Variants in TMEM117 observed in about 807,000 individuals in gnomAD.
The protein encoded by TMEM117 is transmembrane protein 117.
TMEM117 carries 27 observed loss-of-function variants against 52.4 expected under a neutral mutation model. The observed-to-expected ratio is 0.51, with a 90% CI of 0.38 to 0.71. The LOEUF is 0.71. Ranked by LOEUF, TMEM117 falls within the 30% of genes least tolerant of loss-of-function variation. The pLI is 0.00. For missense variants in TMEM117, 556 were observed against 630.5 expected (o/e 0.88, Z 1.26); for synonymous variants, 215 against 206.3 (o/e 1.04, Z -0.36).
intron 6 of TMEM117, among the ~76,000 whole-genome samples, chr12:44,337,739 T>C (rs1592702887): frequency 6.6e-6 from 1 of 152,176 alleles, no homozygotes; most frequent in East Asian, 1.9e-4. Flanking sequence ...CAATCCATTC[T>C]CAAACACATA....
intron 5 of TMEM117, among the ~76,000 whole-genome samples, chr12:44,234,640 T>C (rs1194018963): frequency 6.6e-6 from 1 of 151,464 alleles, no homozygotes; most frequent in Non-Finnish European, 1.5e-5. Context: ...TTTTTTTTGC[T>C]GTTTCTTTTC....
At chr12:43,885,643 T>G (rs2137462718) in intron 2 of TMEM117, among the ~76,000 whole-genome samples, 1 of 152,222 alleles carries the variant, frequency 6.6e-6, no homozygotes, top group Admixed American at 6.5e-5. Flanking sequence ...AAAGAAGATT[T>G]ATTACTTTTT....
intron 2 of TMEM117, among the ~76,000 whole-genome samples, chr12:43,939,774 A>G (rs1365425765): frequency 6.6e-6 from 1 of 152,116 alleles, no homozygotes; most frequent in African/African-American, 2.4e-5. Flanking sequence ...GTCTGTTCTC[A>G]TTCTGCTAAT....
At chr12:44,107,060 C>T (rs372186979) in intron 3 of TMEM117, among the ~76,000 whole-genome samples, 14 of 151,984 alleles carry the variant, frequency 9.2e-5, no homozygotes, top group East Asian at 1.9e-4. Flanking sequence ...ATTTTAAAAA[C>T]GAACAATACT....
intron 6 of TMEM117, among the ~76,000 whole-genome samples, chr12:44,364,870 A>G (rs1951769196): frequency 6.6e-6 from 1 of 152,108 alleles, no homozygotes; most frequent in African/African-American, 2.4e-5. Context: ...TAACCATCAC[A>G]TAAGTTCCTA....
downstream of TMEM117, among the ~76,000 whole-genome samples, chr12:44,394,181 C>T (rs1364378452): frequency 2.0e-5 from 3 of 152,190 alleles, no homozygotes; most frequent in Non-Finnish European, 2.9e-5. Flanking sequence ...GGTATCAAGA[C>T]TGGCCATGAA....
At chr12:44,253,234 A>G (rs1950216814) in intron 5 of TMEM117, among the ~76,000 whole-genome samples, 1 of 152,208 alleles carries the variant, frequency 6.6e-6, no homozygotes, top group Non-Finnish European at 1.5e-5. Flanking sequence ...TGTTAGATTT[A>G]TTTTTTAAAT....
chr12:43,971,408 T>A (rs2137692134), intron 3 of TMEM117, among the ~76,000 whole-genome samples: 1 of 152,350 alleles, frequency 6.6e-6, no homozygotes, highest in Middle Eastern at 3.4e-3. Flanking sequence ...ATCTCATTAT[T>A]CTGCTCTTTT....
chr12:44,060,545 C>G (rs1393384570), intron 3 of TMEM117, among the ~76,000 whole-genome samples: 3 of 152,138 alleles, frequency 2.0e-5, no homozygotes, highest in African/African-American at 4.8e-5. Context: ...AGCTCAGGAG[C>G]CTGTGGTCTT....
At chr12:44,366,178 A>G (rs1020018097) in intron 6 of TMEM117, among the ~76,000 whole-genome samples, 11 of 152,056 alleles carry the variant, frequency 7.2e-5, no homozygotes, top group Non-Finnish European at 1.6e-4. Flanking sequence ...TAGACGTCAC[A>G]TTCACTCTAT....
intron 6 of TMEM117, among the ~76,000 whole-genome samples, chr12:44,350,725 T>C (rs188606433): frequency 1.5e-4 from 23 of 152,102 alleles, no homozygotes; most frequent in Admixed American, 1.4e-3. Flanking sequence ...AAGAGTACTC[T>C]ATTGTGTATA....
At chr12:44,382,569 T>G (rs955886071) in intron 7 of TMEM117, among the ~76,000 whole-genome samples, 3 of 152,164 alleles carry the variant, frequency 2.0e-5, no homozygotes, top group African/African-American at 7.2e-5. Flanking sequence ...ACGACACAGT[T>G]CCCAATCTCA....
chr12:43,811,209 G>C, the TMEM117 span, among the ~76,000 whole-genome samples: 2 of 152,186 alleles, frequency 1.3e-5, no homozygotes, highest in Non-Finnish European at 2.9e-5. Flanking sequence ...ATTGTTGGGT[G>C]AGTCTTCTTG....
At chr12:43,961,884 C>T (rs1056520692) in intron 3 of TMEM117, among the ~76,000 whole-genome samples, 9 of 152,094 alleles carry the variant, frequency 5.9e-5, no homozygotes, top group Non-Finnish European at 8.8e-5. Flanking sequence ...GGTTTCAAGG[C>T]TTACCAAAAG....
intron 2 of TMEM117, among the ~76,000 whole-genome samples, chr12:43,925,115 A>G (rs1014823389): frequency 2.6e-5 from 4 of 152,098 alleles, no homozygotes; most frequent in Non-Finnish European, 5.9e-5. Context: ...GCAACTCGAG[A>G]GAGGGACCAC....
At chr12:43,986,117 G>A (rs1373210405) in intron 3 of TMEM117, among the ~76,000 whole-genome samples, 1 of 152,088 alleles carries the variant, frequency 6.6e-6, no homozygotes, top group Non-Finnish European at 1.5e-5. Context: ...TTAAAGTGAA[G>A]AAAATGACTA....
At chr12:44,100,533 A>T (rs1474947122) in intron 3 of TMEM117, among the ~76,000 whole-genome samples, 1 of 151,996 alleles carries the variant, frequency 6.6e-6, no homozygotes, top group Non-Finnish European at 1.5e-5. Context: ...TTGCCAAGTG[A>T]TGGTGTGTTT....
At chr12:44,142,743 A>G (rs1025607512) in intron 3 of TMEM117, among the ~76,000 whole-genome samples, 3 of 152,144 alleles carry the variant, frequency 2.0e-5, no homozygotes, top group Non-Finnish European at 4.4e-5. Flanking sequence ...CCTAGCTACC[A>G]TTTGTTAGTT....
intron 3 of TMEM117, among the ~76,000 whole-genome samples, chr12:44,120,853 G>A (rs1265182095): frequency 6.6e-6 from 1 of 152,126 alleles, no homozygotes; most frequent in African/African-American, 2.4e-5. Flanking sequence ...ATCTGTGGAG[G>A]CCACCTGTTC....
Sources: gnomAD v4.1 joint callset for allele counts (sites outside exome capture counted in the v4.1 genomes callset) on GRCh38, gnomAD v4.1.1 for gene constraint, MANE v1.5 for transcripts, NCBI Gene and HGNC (gene_info 2026-07-23, HGNC 2026-07-21) for gene names.